GRM5: variants seen among roughly 807,000 people sequenced by gnomAD.
GRM5 encodes the protein glutamate metabotropic receptor 5, also known as metabotropic glutamate receptor 5.
In GRM5, 19 loss-of-function variants were observed where a neutral mutation model predicts 83.1. That is an observed-to-expected ratio of 0.23 (90% CI 0.16 to 0.34). The LOEUF (loss-of-function observed/expected upper bound fraction) is 0.34. GRM5 is among the 10% of genes least tolerant of loss of function. The pLI is 1.00. For synonymous variants in GRM5, 675 were observed against 633.6 expected, an observed-to-expected ratio of 1.07 and a Z score of -0.98; for missense variants, 1,160 against 1,588.3, an observed-to-expected ratio of 0.73 and a Z score of 4.58.
Position 88,509,252 on chromosome 11 carries a change from T to C in GRM5, c.2979A>G (p.Pro993=), listed in dbSNP as rs1490976136. ...AGAGPGGPES[P]DAGPKALYDV... ...CATACAGCGCCTTGGGGCCGGCGTC[T>C]GGGGACTCGGGCCCGCCTGGGCCGG... Residue 993 remains proline (P), a synonymous_variant, in exon 10 of 10, where the codon CCA becomes CCG. Transcript: ENST00000305447. 2.7e-6 allele frequency: 4 copies of C among 1,490,526 alleles called. No homozygotes were observed. The East Asian group carries it at 8.8e-5, about 33-fold the overall frequency. The allele number at this position is 1,490,526 out of a possible 1,614,324, so 92.3% of individuals were successfully genotyped here.
At chr11:89,056,230 A>C (rs1941870983) in intron 1 of GRM5, among the ~76,000 whole-genome samples, 1 of 152,202 alleles carries the variant, frequency 6.6e-6, no homozygotes, top group Non-Finnish European at 1.5e-5. Context: ...TGTAGAATAT[A>C]AAAGATGATA....
At chr11:88,513,629 C>T (rs191650124) in intron 9 of GRM5, among the ~76,000 whole-genome samples, 9 of 152,142 alleles carry the variant, frequency 5.9e-5, no homozygotes, top group East Asian at 1.9e-4. Context: ...GAAATCTCAT[C>T]GAGGCAGTAG....
intron 3 of GRM5, among the ~76,000 whole-genome samples, chr11:88,760,921 A>G (rs1298939050): frequency 1.3e-5 from 2 of 152,050 alleles, no homozygotes; most frequent in Non-Finnish European, 2.9e-5. Flanking sequence ...ACCAATAAAC[A>G]TGATGAGCCA....
chr11:88,716,912 G>C (rs1303975231), intron 3 of GRM5, among the ~76,000 whole-genome samples: 1 of 151,916 alleles, frequency 6.6e-6, no homozygotes, highest in Non-Finnish European at 1.5e-5. Context: ...CTAAGGCCCA[G>C]AATGCCCCAC....
At chr11:88,565,695 G>T (rs1942860404) in intron 8 of GRM5, among the ~76,000 whole-genome samples, 1 of 152,212 alleles carries the variant, frequency 6.6e-6, no homozygotes, top group Non-Finnish European at 1.5e-5. Context: ...TTAGATATAT[G>T]AAAGGCCTGC....
intron 3 of GRM5, among the ~76,000 whole-genome samples, chr11:88,816,907 C>T (rs1489106995): frequency 6.6e-6 from 1 of 151,968 alleles, no homozygotes; most frequent in Non-Finnish European, 1.5e-5. Flanking sequence ...AGAAAAGTTC[C>T]TTCATAATTA....
intron 2 of GRM5, among the ~76,000 whole-genome samples, chr11:88,972,766 CATACTT>C (rs1939206610): frequency 6.6e-6 from 1 of 151,994 alleles, no homozygotes; most frequent in Admixed American, 6.6e-5. Context: ...TTATTGATAA[CATACTT>C]ATTAACTTTC....
intron 2 of GRM5, among the ~76,000 whole-genome samples, chr11:88,895,320 G>C (rs1297266686): frequency 2.6e-5 from 4 of 151,882 alleles, no homozygotes; most frequent in African/African-American, 9.7e-5. Context: ...ATCCTAGTTA[G>C]GCTATAAAGA....
At chr11:88,806,456 G>A (rs1943500041) in intron 3 of GRM5, among the ~76,000 whole-genome samples, 1 of 152,048 alleles carries the variant, frequency 6.6e-6, no homozygotes, top group South Asian at 2.1e-4. Context: ...CAATTTTAAT[G>A]GTCAATTTAA....
At chr11:88,780,029 G>T (rs1565227222) in intron 3 of GRM5, among the ~76,000 whole-genome samples, 1 of 152,088 alleles carries the variant, frequency 6.6e-6, no homozygotes, top group Non-Finnish European at 1.5e-5. Context: ...TGCCCTCTTT[G>T]GCTAAGTCTG....
At chr11:88,707,657 A>G (rs528380313) in intron 3 of GRM5, among the ~76,000 whole-genome samples, 23 of 152,252 alleles carry the variant, frequency 1.5e-4, no homozygotes, top group South Asian at 1.0e-3. Flanking sequence ...TGGTATCTGT[A>G]GGAATCCTGG....
chr11:88,743,626 G>A (rs1035698256), intron 3 of GRM5, among the ~76,000 whole-genome samples: 1 of 152,134 alleles, frequency 6.6e-6, no homozygotes, highest in Non-Finnish European at 1.5e-5. Flanking sequence ...TTCAGAGCCA[G>A]TGAGAGATAT....
chr11:88,983,680 T>C (rs1939598868), intron 2 of GRM5, among the ~76,000 whole-genome samples: 1 of 152,206 alleles, frequency 6.6e-6, no homozygotes, highest in South Asian at 2.1e-4. Context: ...ATATACTTTA[T>C]ACTTTTTATC....
At chr11:88,646,907 C>CAAA (rs745436840) in intron 4 of GRM5, among the ~76,000 whole-genome samples, 2 of 147,284 alleles carry the variant, frequency 1.4e-5, no homozygotes, top group Non-Finnish European at 3.0e-5. Flanking sequence ...AAAAAAAAAA[C>CAAA]ACCACAAATT....
chr11:88,735,907 T>G (rs1941904300), intron 3 of GRM5, among the ~76,000 whole-genome samples: 1 of 152,064 alleles, frequency 6.6e-6, no homozygotes, highest in Admixed American at 6.6e-5. Flanking sequence ...ATTCAAAAGA[T>G]ATAATTATTA....
chr11:88,537,213 T>C (rs901801008), intron 8 of GRM5, among the ~76,000 whole-genome samples: 1 of 152,180 alleles, frequency 6.6e-6, no homozygotes, highest in Non-Finnish European at 1.5e-5. Flanking sequence ...TTGAGCACAA[T>C]ATACGCTTAT....
chr11:88,916,594 G>A (rs1945596371), intron 2 of GRM5, among the ~76,000 whole-genome samples: 1 of 152,016 alleles, frequency 6.6e-6, no homozygotes, highest in Non-Finnish European at 1.5e-5. Context: ...TAGACCACAA[G>A]GACTGTAATT....
rs73538097 is a variant in GRM5, at chr11:88,573,143, T to C, written c.1691-5151A>G. Among the ~76,000 whole-genome samples the C allele has an allele frequency of 5.1e-3, 770 of 152,302 alleles. 6 individuals are homozygous for C. Among genetic ancestry groups the C allele is most frequent in the African/African-American group, 0.018 (741 of 41,578 alleles). Reference sequence around the variant, plus strand: ...GTCTGTGGTTCTCTTGTATAATCCATCTTTTCAAAACTTGAACTGACATAT... The same window carrying C: ...GTCTGTGGTTCTCTTGTATAATCCACCTTTTCAAAACTTGAACTGACATAT... On this transcript the variant is annotated intron_variant, in intron 7 of 9. Transcript: ENST00000305447.
At chr11:88,922,798 G>A (rs1945714920) in intron 2 of GRM5, among the ~76,000 whole-genome samples, 1 of 152,104 alleles carries the variant, frequency 6.6e-6, no homozygotes, top group Non-Finnish European at 1.5e-5. Flanking sequence ...ACAACCCATA[G>A]AATGGGAAAA....
Sources: gnomAD v4.1 joint callset for allele counts (sites outside exome capture counted in the v4.1 genomes callset) on GRCh38, gnomAD v4.1.1 for gene constraint, MANE v1.5 for transcripts, NCBI Gene and HGNC (gene_info 2026-07-23, HGNC 2026-07-21) for gene names.